Variants in AGTPBP1 observed in about 807,000 individuals in gnomAD.
The protein encoded by AGTPBP1 is ATP/GTP binding carboxypeptidase 1.
A neutral mutation model predicts 143.9 loss-of-function variants in AGTPBP1; 70 were observed. The ratio of observed to expected loss-of-function variants is 0.49; its 90% confidence interval spans 0.40 to 0.59. AGTPBP1 has a LOEUF of 0.59. Ranked by LOEUF, AGTPBP1 falls within the 20% of genes least tolerant of loss-of-function variation. The pLI is 0.00. For synonymous variants in AGTPBP1, 463 were observed against 500.2 expected (o/e 0.93, Z 0.99); for missense variants, 1,229 against 1,464.5 (o/e 0.84, Z 2.62).
rs547199279 is a variant in AGTPBP1 at position 85,641,708 on chromosome 9, T to C, written c.1302+1119A>G. Among the ~76,000 whole-genome samples, 14 of 152,212 alleles carry C rather than the reference T, an allele frequency of 9.2e-5. 1 individual carries two copies. The South Asian group carries it at 1.5e-3, about 16-fold the overall frequency. ...AATTCTAGGTGATAAATGTTTCTTTTTTTTTTTTAGACGAAGTCTCATTCT... is the reference window on the plus strand; with the variant it reads ...AATTCTAGGTGATAAATGTTTCTTTCTTTTTTTTAGACGAAGTCTCATTCT... On this transcript the variant is annotated intron_variant, in intron 13 of 25. Transcript: ENST00000357081.
chr9:85,774,541 T>C, the AGTPBP1 span, among the ~76,000 whole-genome samples: 4 of 152,204 alleles, frequency 2.6e-5, no homozygotes, highest in Non-Finnish European at 5.9e-5. Context: ...GATGGGCACA[T>C]ACCATTATCA....
intron 1 of AGTPBP1, among the ~76,000 whole-genome samples, chr9:85,724,705 C>A (rs976175064): frequency 9.9e-5 from 15 of 152,214 alleles, no homozygotes; most frequent in Admixed American, 9.8e-4. Flanking sequence ...ATAACACAGA[C>A]AACTAATTTA....
intron 25 of AGTPBP1, among the ~76,000 whole-genome samples, chr9:85,568,889 C>T (rs56868277): frequency 6.6e-6 from 1 of 152,120 alleles, no homozygotes; most frequent in South Asian, 2.1e-4. Context: ...CAGTCACAAA[C>T]TGAGTTCTAG....
intron 1 of AGTPBP1, among the ~76,000 whole-genome samples, chr9:85,723,247 C>G (rs186638343): frequency 6.6e-6 from 1 of 152,362 alleles, no homozygotes; most frequent in Admixed American, 6.5e-5. Context: ...CTGAAGCTGT[C>G]TGCTGCCTTT....
chr9:85,621,258 C>T lies in AGTPBP1; in HGVS notation c.2043G>A (p.Arg681=). ...QRTKIAQDIE[R]LIHQSDIIDR... is the part of the protein sequence containing the mutation. The stretch of plus-strand genomic sequence containing the variant: ...CTATGATATCACTCTGATGTATTAG[C>T]CTTTCAATATCTTGAGCAATTTTTG... Residue 681 remains arginine (R), a synonymous_variant, in exon 15 of 26, where the codon AGG becomes AGA. Coordinates refer to ENST00000357081, the MANE Select transcript of AGTPBP1 (RefSeq NM_001330701.2). The T allele has an allele frequency of 6.9e-7, 1 of 1,449,628 alleles. No homozygotes were observed. The highest frequency in any genetic ancestry group is 2.6e-5 in the Admixed American group (1 of 38,086). 89.8% of individuals were successfully genotyped at this position (1,449,628 alleles called of 1,614,324 possible). A position where few individuals can be genotyped will look rare whatever the true frequency, so the allele number is the denominator to read the frequency against.
intron 25 of AGTPBP1, among the ~76,000 whole-genome samples, chr9:85,560,013 G>C (rs1358723387): frequency 1.3e-5 from 2 of 152,104 alleles, no homozygotes; most frequent in Admixed American, 6.5e-5. Flanking sequence ...ATAGTGTCAA[G>C]AGCCTGGGGA....
intron 1 of AGTPBP1, chr9:85,741,384 G>A (rs981894489): frequency 1.0e-6 from 1 of 985,142 alleles, no homozygotes; most frequent in South Asian, 4.7e-5. Flanking sequence ...GCCCGCCCCC[G>A]GCCCTGCAGC....
In AGTPBP1 at chr9:85,588,363, G is replaced by A; in HGVS notation, c.2838C>T (p.Ser946=). 6.2e-7 allele frequency: 1 copy of A among 1,613,068 alleles called. No homozygotes were observed. Among genetic ancestry groups the A allele is most frequent in the Non-Finnish European group, 8.5e-7 (1 of 1,179,514 alleles). ...YLMSNNPTAQ[S]LRESYIFKIV... ...TTTTAAAAATATAAGATTCTCGTAA[G>A]CTCTGAGCAGTGGGGTTATTGCTCA... The change falls in exon 21 of 26, where the codon AGC becomes AGT. Residue 946 remains serine, a synonymous_variant. Transcript: ENST00000357081.
chr9:85,782,723 G>T, the AGTPBP1 span, among the ~76,000 whole-genome samples: 2 of 152,000 alleles, frequency 1.3e-5, no homozygotes, highest in African/African-American at 4.8e-5. Flanking sequence ...CTGACTGCTG[G>T]TTCAGTATTC....
chr9:85,621,106 C>A, intron 15 of AGTPBP1, 96 bp downstream of exon 15: 1 of 597,434 alleles, frequency 1.7e-6, no homozygotes, highest in South Asian at 3.7e-5. Context: ...TAAAAACTAC[C>A]AACATTTTTC....
At position 85,546,884 on chromosome 9, in the gene AGTPBP1, G is replaced by T; in HGVS notation, c.*225C>A. 9.0e-6 allele frequency: 3 copies of T among 334,632 alleles called. No homozygotes were observed. Among genetic ancestry groups the T allele is most frequent in the Non-Finnish European group, 1.6e-5 (3 of 188,598 alleles). 20.7% of individuals were successfully genotyped at this position (334,632 alleles called of 1,614,324 possible). A position where few individuals can be genotyped will look rare whatever the true frequency, so the allele number is the denominator to read the frequency against. On this transcript the variant is annotated 3_prime_UTR_variant, in exon 26 of 26. Transcript: ENST00000357081. ...TTTTTTAAAGGTAAATCCAATATTT[G>T]ATCATTCAATGCTACATAAAGTGCA...
At chr9:85,603,822 G>C (rs1401910992) in intron 17 of AGTPBP1, among the ~76,000 whole-genome samples, 1 of 152,122 alleles carries the variant, frequency 6.6e-6, no homozygotes. Context: ...CTTGTGCTTT[G>C]AGGGAACATC....
intron 25 of AGTPBP1, among the ~76,000 whole-genome samples, chr9:85,550,193 G>C (rs910877449): frequency 3.5e-5 from 2 of 57,056 alleles, no homozygotes; most frequent in East Asian, 5.2e-4. Context: ...GTGTGTGTGT[G>C]TGAGAGAGAG....
intron 4 of AGTPBP1, among the ~76,000 whole-genome samples, chr9:85,678,955 T>C (rs1835001038): frequency 6.6e-6 from 1 of 152,200 alleles, no homozygotes; most frequent in Non-Finnish European, 1.5e-5. Context: ...TATTTTCCAT[T>C]ATATGGCTAT....
At position 85,718,994 on chromosome 9, in the gene AGTPBP1, T is replaced by C. The variant is rs150542128; in HGVS notation, c.-33-6428A>G. ...AGATGGTTGCAGATGTATGGTGTTA[T>C]ATCTGAGGCCTCTGTTCTGTTCCAT... On this transcript the variant is annotated intron_variant, in intron 1 of 25. Transcript: ENST00000357081. 2.6e-3 allele frequency among the ~76,000 whole-genome samples: 394 copies of C among 151,158 alleles called. 3 individuals carry two copies. The highest frequency in any genetic ancestry group is 9.4e-3 in the African/African-American group (381 of 40,476).
intron 5 of AGTPBP1, 147 bp downstream of exon 5, chr9:85,678,188 A>T: frequency 1.9e-6 from 1 of 524,934 alleles, no homozygotes; most frequent in Non-Finnish European, 3.3e-6. Flanking sequence ...ATAAAGCAAC[A>T]ACAACAAACT....
chr9:85,742,100 C>G (rs1288208861), upstream of AGTPBP1: 9 of 1,044,582 alleles, frequency 8.6e-6, no homozygotes, highest in Admixed American at 9.5e-5. Context: ...CCGCCGCGTC[C>G]CTTGTTACCT....
At chr9:85,655,850 T>C (rs539770603) in intron 10 of AGTPBP1, among the ~76,000 whole-genome samples, 16 of 152,226 alleles carry the variant, frequency 1.1e-4, no homozygotes, top group Admixed American at 3.3e-4. Flanking sequence ...GGTTTTGAGA[T>C]GGAATCTCGC....
intron 2 of AGTPBP1, among the ~76,000 whole-genome samples, chr9:85,697,204 A>T (rs1346349325): frequency 6.6e-6 from 1 of 152,136 alleles, no homozygotes; most frequent in Non-Finnish European, 1.5e-5. Flanking sequence ...GTGTATATAT[A>T]TTTACACATA....
Sources: gnomAD v4.1 joint callset for allele counts (sites outside exome capture counted in the v4.1 genomes callset) on GRCh38, gnomAD v4.1.1 for gene constraint, MANE v1.5 for transcripts, NCBI Gene and HGNC (gene_info 2026-07-23, HGNC 2026-07-21) for gene names.